Variants in RBFOX2 observed in about 807,000 individuals in gnomAD.
The protein encoded by RBFOX2 is RNA binding fox-1 homolog 2.
RBFOX2 carries 10 observed loss-of-function variants against 49.1 expected under a neutral mutation model. The observed-to-expected ratio is 0.20, with a 90% confidence interval of 0.13 to 0.35. The LOEUF (loss-of-function observed/expected upper bound fraction) is 0.35, where lower values mean the gene tolerates loss of function less well. Ranked by LOEUF, RBFOX2 falls within the 10% of genes least tolerant of loss-of-function variation. The pLI is 1.00. For missense variants in RBFOX2, 323 were observed against 486.9 expected, an observed-to-expected ratio of 0.66 and a Z score of 3.17; for synonymous variants, 183 against 187.4, an observed-to-expected ratio of 0.98 and a Z score of 0.19.
At chr22:36,028,530 C>T in exon 1 of RBFOX2, 1 of 974,704 alleles carries the variant, frequency 1.0e-6, no homozygotes, top group Non-Finnish European at 1.2e-6. Flanking sequence ...GCGCCTGCCC[C>T]CGCCCCCGCG....
At chr22:35,786,480 G>A (rs975146980) in intron 2 of RBFOX2, among the ~76,000 whole-genome samples, 9 of 152,046 alleles carry the variant, frequency 5.9e-5, no homozygotes, top group Admixed American at 1.3e-4. Context: ...ACAATGAAAC[G>A]TACACCCATG....
intron 1 of RBFOX2, among the ~76,000 whole-genome samples, chr22:35,990,222 C>T (rs1232440099): frequency 6.6e-6 from 1 of 151,964 alleles, no homozygotes; most frequent in Non-Finnish European, 1.5e-5. Flanking sequence ...AGAAATACTA[C>T]CAGGCAGGAG....
chr22:35,817,949 AACACAC>A (rs71322983), intron 1 of RBFOX2, among the ~76,000 whole-genome samples: 2,724 of 143,444 alleles, frequency 0.019, 86 homozygotes, highest in African/African-American at 0.062. Flanking sequence ...ATCACTTGTC[AACACAC>A]ACACACACAC....
intron 1 of RBFOX2, chr22:35,897,919 C>T (rs1331665297): frequency 6.8e-6 from 5 of 730,682 alleles, no homozygotes; most frequent in Non-Finnish European, 1.0e-5. Flanking sequence ...AATGAATTTT[C>T]CAACTTCAGC....
At chr22:35,768,098 A>G (rs568462842) in intron 5 of RBFOX2, among the ~76,000 whole-genome samples, 159 bp downstream of exon 6, 1 of 152,344 alleles carries the variant, frequency 6.6e-6, no homozygotes, top group South Asian at 2.1e-4. Context: ...TTACTTTTAT[A>G]CATTTTAGTG....
intron 1 of RBFOX2, among the ~76,000 whole-genome samples, chr22:35,857,257 G>A (rs112152492): frequency 6.2e-4 from 95 of 152,330 alleles, no homozygotes; most frequent in Middle Eastern, 6.8e-3. Context: ...GGCTCTGGTG[G>A]CTGCAGGTAA....
chr22:36,024,623 C>T (rs560707487), intron 1 of RBFOX2, among the ~76,000 whole-genome samples: 14 of 151,620 alleles, frequency 9.2e-5, no homozygotes, highest in Non-Finnish European at 1.6e-4. Context: ...TGCCTGTAAT[C>T]CCAGCTACTC....
chr22:35,840,577 T>G (rs1017022959), exon 1 of RBFOX2: 51 of 1,159,886 alleles, frequency 4.4e-5, no homozygotes, highest in Non-Finnish European at 5.4e-5. Flanking sequence ...GAAGCAGGCC[T>G]GCTGGAGAAT....
intron 1 of RBFOX2, among the ~76,000 whole-genome samples, chr22:35,867,012 G>A (rs542853349): frequency 6.6e-6 from 1 of 152,184 alleles, no homozygotes; most frequent in South Asian, 2.1e-4. Context: ...GTAAGAAAAC[G>A]CCTTTATTCT....
chr22:35,816,597 C>T (rs1465474237), intron 1 of RBFOX2, among the ~76,000 whole-genome samples: 1 of 152,172 alleles, frequency 6.6e-6, no homozygotes. Context: ...TCCATGTAGT[C>T]TCCAAATATT....
chr22:35,820,107 T>C (rs568786275), intron 1 of RBFOX2, among the ~76,000 whole-genome samples: 20 of 151,848 alleles, frequency 1.3e-4, no homozygotes, highest in Non-Finnish European at 2.4e-4. Context: ...AAGGTAGCAG[T>C]GGGGAAAGAG....
chr22:35,934,367 A>G (rs1306527025), intron 1 of RBFOX2, among the ~76,000 whole-genome samples: 1 of 152,104 alleles, frequency 6.6e-6, no homozygotes, highest in Admixed American at 6.5e-5. Flanking sequence ...ACTTCAACCA[A>G]TTGTTTAGAT....
intron 4 of RBFOX2, among the ~76,000 whole-genome samples, chr22:35,776,236 G>A (rs1389390524): frequency 6.6e-6 from 1 of 152,072 alleles, no homozygotes; most frequent in Non-Finnish European, 1.5e-5. Context: ...ATGCAACAAA[G>A]GAACAGAAAT....
upstream of RBFOX2, among the ~76,000 whole-genome samples, chr22:35,962,167 TCTTTAACCTCTTAGAAG>T (rs2056264968): frequency 3.3e-5 from 5 of 152,302 alleles, no homozygotes; most frequent in South Asian, 1.0e-3. Context: ...GGCAGAAAAG[TCTTTAACCTCTTAGAAG>T]ATGGAATTCT....
At chr22:36,009,546 G>GT (rs1053243460) in intron 1 of RBFOX2, among the ~76,000 whole-genome samples, 3 of 151,752 alleles carry the variant, frequency 2.0e-5, no homozygotes, top group East Asian at 1.9e-4. Context: ...TCTAAGTTTC[G>GT]TTTTTTTTGT....
chr22:35,895,417 A>G (rs1485659052), intron 1 of RBFOX2, among the ~76,000 whole-genome samples: 1 of 152,222 alleles, frequency 6.6e-6, no homozygotes, highest in East Asian at 1.9e-4. Flanking sequence ...CCCTTGCAGA[A>G]GCCAAGCACA....
intron 1 of RBFOX2, among the ~76,000 whole-genome samples, chr22:35,838,927 C>G (rs1452903486): frequency 1.3e-5 from 2 of 152,228 alleles, no homozygotes; most frequent in African/African-American, 4.8e-5. Context: ...CCAAACAGCA[C>G]TGCAGGGCAT....
intron 1 of RBFOX2, among the ~76,000 whole-genome samples, chr22:35,927,030 A>G (rs2051729954): frequency 6.6e-6 from 1 of 152,202 alleles, no homozygotes; most frequent in South Asian, 2.1e-4. Context: ...CAGAAAGCTG[A>G]GTCTTGAGAG....
At chr22:35,876,198 G>A (rs2045056512) in intron 1 of RBFOX2, among the ~76,000 whole-genome samples, 1 of 152,048 alleles carries the variant, frequency 6.6e-6, no homozygotes, top group Non-Finnish European at 1.5e-5. Flanking sequence ...TAAATATGGT[G>A]GGGGGTACTT....
Sources: allele counts gnomAD v4.1 joint callset (sites outside exome capture counted in the v4.1 genomes callset), GRCh38; gene constraint gnomAD v4.1.1; transcripts MANE v1.5; gene names NCBI Gene and HGNC (gene_info 2026-07-23, HGNC 2026-07-21).